Variants in SCN9A observed in about 807,000 individuals in gnomAD.
SCN9A encodes sodium channel protein type 9 subunit alpha.
SCN9A carries 131 observed loss-of-function variants against 187.0 expected under a neutral mutation model. The observed-to-expected ratio is 0.70, with a 90% confidence interval of 0.61 to 0.81. The LOEUF (loss-of-function observed/expected upper bound fraction) is 0.81, where lower values mean the gene tolerates loss of function less well. SCN9A is among the 30% of genes least tolerant of loss of function. SCN9A has a pLI of 0.00. For missense variants in SCN9A, 2,252 were observed against 2,396.6 expected (o/e 0.94, Z 1.26); for synonymous variants, 809 against 808.6 (o/e 1.00, Z -0.01).
chr2:166,324,249 C>T (rs1420627165), intron 1 of SCN9A, among the ~76,000 whole-genome samples: 1 of 151,648 alleles, frequency 6.6e-6, no homozygotes, highest in African/African-American at 2.4e-5. Flanking sequence ...GCCGAGATCG[C>T]GCCACTGCAC....
intron 17 of SCN9A, among the ~76,000 whole-genome samples, chr2:166,260,193 A>C (rs1447229394): frequency 6.6e-6 from 1 of 151,904 alleles, no homozygotes; most frequent in Non-Finnish European, 1.5e-5. Flanking sequence ...GCAAATATTG[A>C]AACAACTTTT....
chr2:166,329,545 A>G (rs1699446293), intron 1 of SCN9A, among the ~76,000 whole-genome samples: 1 of 141,498 alleles, frequency 7.1e-6, no homozygotes, highest in Non-Finnish European at 1.6e-5. Context: ...GTTGTTACCC[A>G]TTTTTGTTGT....
In SCN9A at chr2:166,358,034, TTTTATTTATTTATTTA is replaced by T. The variant is rs371958712; in HGVS notation, c.-51+17647_-51+17662del. On this transcript the variant is annotated intron_variant, in intron 1 of 26. Coordinates refer to ENST00000642356, the MANE Select transcript of SCN9A (RefSeq NM_001365536.1). ...GAGCCTAATAAGTGGGGAATAAAAC[TTTTATTTATTTATTTA>T]TTTATTTATTTATTTATTTATTTAT... Among the ~76,000 whole-genome samples, 602 of 140,982 alleles carry T rather than the reference TTTTATTTATTTATTTA, an allele frequency of 4.3e-3. 1 individual carries two copies. Among genetic ancestry groups the T allele is most frequent in the African/African-American group, 0.012 (449 of 38,150 alleles). 92.5% of individuals were successfully genotyped at this position (140,982 alleles called of 152,430 possible). A position where few individuals can be genotyped will look rare whatever the true frequency, so the allele number is the denominator to read the frequency against.
rs146114242 is a variant in SCN9A, at chr2:166,313,803, G to A, written c.-50-1997C>T. 3.0e-3 allele frequency among the ~76,000 whole-genome samples: 450 copies of A among 152,250 alleles called. 1 individual carries two copies. The highest frequency in any genetic ancestry group is 9.6e-3 in the African/African-American group (399 of 41,544). On this transcript the variant is annotated intron_variant, in intron 1 of 26. Coordinates refer to ENST00000642356, the MANE Select transcript of SCN9A (RefSeq NM_001365536.1). ...GAGGCCTAGATTTTGGCCTATCTTG[G>A]CTTTCAACATGCCTTCCTCACTAAG... is the stretch of plus-strand genomic sequence containing the variant.
At position 166,340,541 on chromosome 2, in the gene SCN9A, C is replaced by CCTTTCTTTCTTTCTTT. The variant is rs201511761; in HGVS notation, c.-50-28751_-50-28736dup. Among the ~76,000 whole-genome samples, 249 of 67,794 alleles carry CCTTTCTTTCTTTCTTT rather than the reference C, an allele frequency of 3.7e-3. 1 individual carries two copies. Among genetic ancestry groups the CCTTTCTTTCTTTCTTT allele is most frequent in the East Asian group, 6.5e-3 (19 of 2,930 alleles). The allele number at this position is 67,794 out of a possible 152,430, so 44.5% of individuals were successfully genotyped here. A position where few individuals can be genotyped will look rare whatever the true frequency, so the allele number is the denominator to read the frequency against. Reference sequence around the variant, plus strand: ...TTCCCTCTCTCCTTTCTTTTCTTTCCCTTTCTTTCTTTCTTTCTTTCTTTC... The same window carrying CCTTTCTTTCTTTCTTT: ...TTCCCTCTCTCCTTTCTTTTCTTTCCCTTTCTTTCTTTCTTTCTTTCTTTCTTTCTTTCTTTCTTTC... On this transcript the variant is annotated intron_variant, in intron 1 of 26. Transcript: ENST00000642356.
chr2:166,291,383 C>A (rs1285490138), intron 9 of SCN9A, among the ~76,000 whole-genome samples: 1 of 151,996 alleles, frequency 6.6e-6, no homozygotes, highest in African/African-American at 2.4e-5. Flanking sequence ...ATATGAAAGA[C>A]CTCTTCAAGA....
intron 17 of SCN9A, among the ~76,000 whole-genome samples, chr2:166,268,571 T>C (rs946884727): frequency 3.3e-5 from 5 of 151,984 alleles, no homozygotes; most frequent in Admixed American, 3.3e-4. Context: ...ATAAATAAAA[T>C]GTACACTATT....
intron 24 of SCN9A, among the ~76,000 whole-genome samples, chr2:166,214,578 A>G (rs11681801): frequency 0.88 from 103,048 of 117,258 alleles, 45,373 homozygotes; most frequent in East Asian, 0.94. Context: ...GCAGTGGCGC[A>G]ATCTCGGCTC....
At chr2:166,320,539 T>C (rs961449945) in intron 1 of SCN9A, among the ~76,000 whole-genome samples, 4 of 152,154 alleles carry the variant, frequency 2.6e-5, no homozygotes, top group Non-Finnish European at 4.4e-5. Context: ...ACAGTAAAGA[T>C]TGTGTCTTCT....
At position 166,288,118 on chromosome 2, in the gene SCN9A, T is replaced by TACAC. The variant is rs1319223544; in HGVS notation, c.1314+318_1314+319insGTGT. ...TTATATATATATATATATATATATATATACACACACATTTATATGTATATG... is the reference window on the plus strand; with the variant it reads ...TTATATATATATATATATATATATATACACATACACACACATTTATATGTATATG... On this transcript the variant is annotated intron_variant, in intron 10 of 26. Coordinates refer to ENST00000642356, the MANE Select transcript of SCN9A (RefSeq NM_001365536.1). 4.2e-5 allele frequency among the ~76,000 whole-genome samples: 4 copies of TACAC among 96,244 alleles called. No homozygotes were observed. In the South Asian group the frequency reaches 1.3e-3, roughly 31 times the overall value. The allele number at this position is 96,244 out of a possible 152,430, so 63.1% of individuals were successfully genotyped here.
Position 166,228,992 on chromosome 2 carries a change from A to C in SCN9A, c.3925-20T>G, listed in dbSNP as rs1694969708. The C allele has an allele frequency of 6.3e-7, 1 of 1,595,786 alleles. No individual in the cohort carries two copies. ...AACGACCTAGTATTCAAAAGAAAGAAAAGCATGATTAGGATTAGTAAGATG... is the reference window on the plus strand; with the variant it reads ...AACGACCTAGTATTCAAAAGAAAGACAAGCATGATTAGGATTAGTAAGATG... On this transcript the variant is annotated intron_variant, in intron 21 of 26. Coordinates refer to ENST00000642356, the MANE Select transcript of SCN9A (RefSeq NM_001365536.1).
intron 18 of SCN9A, among the ~76,000 whole-genome samples, chr2:166,248,795 T>A (rs1695906417): frequency 6.6e-6 from 1 of 152,098 alleles, no homozygotes; most frequent in Non-Finnish European, 1.5e-5. Context: ...GCCTCACAAG[T>A]AGCTGGGATT....
At chr2:166,361,859 C>T (rs143829355) in intron 1 of SCN9A, among the ~76,000 whole-genome samples, 19 of 152,054 alleles carry the variant, frequency 1.2e-4, no homozygotes, top group Non-Finnish European at 2.2e-4. Flanking sequence ...TCATTAGCAG[C>T]GGATGCTCCA....
At chr2:166,338,549 T>G (rs950243949) in intron 1 of SCN9A, among the ~76,000 whole-genome samples, 11 of 152,130 alleles carry the variant, frequency 7.2e-5, no homozygotes, top group African/African-American at 2.7e-4. Flanking sequence ...AATATTCCCT[T>G]GTACCCCCTG....
intron 17 of SCN9A, among the ~76,000 whole-genome samples, chr2:166,265,713 C>G (rs1165089312): frequency 6.6e-6 from 1 of 151,858 alleles, no homozygotes; most frequent in African/African-American, 2.4e-5. Flanking sequence ...TTCTCCATAT[C>G]CTTTAAACAC....
intron 21 of SCN9A, among the ~76,000 whole-genome samples, chr2:166,230,201 G>T (rs1305897261): frequency 6.6e-6 from 1 of 152,092 alleles, no homozygotes; most frequent in Non-Finnish European, 1.5e-5. Flanking sequence ...ACAAAAACAG[G>T]CTGGGGTTTG....
At chr2:166,313,044 TAG>T (rs377540035) in intron 1 of SCN9A, among the ~76,000 whole-genome samples, 339 of 22,294 alleles carry the variant, frequency 0.015, 9 homozygotes, top group African/African-American at 0.088. Flanking sequence ...ATTTTCTGAA[TAG>T]TAAAGAATAT....
chr2:166,254,805 G>A (rs974018758), intron 17 of SCN9A, among the ~76,000 whole-genome samples: 5 of 151,156 alleles, frequency 3.3e-5, no homozygotes, highest in African/African-American at 1.2e-4. Context: ...TAATAAAAGG[G>A]AAGTATCAAT....
intron 17 of SCN9A, among the ~76,000 whole-genome samples, chr2:166,270,635 T>G (rs1018666822): frequency 1.3e-5 from 2 of 151,452 alleles, no homozygotes; most frequent in Admixed American, 1.3e-4. Context: ...TATGTATTGA[T>G]TTTTTTTGAG....
Sources: allele counts gnomAD v4.1 joint callset (sites outside exome capture counted in the v4.1 genomes callset), GRCh38; gene constraint gnomAD v4.1.1; transcripts MANE v1.5; gene names NCBI Gene and HGNC (gene_info 2026-07-23, HGNC 2026-07-21).